Variants in SLC36A4 observed in about 807,000 individuals in gnomAD.
The protein encoded by SLC36A4 is neutral amino acid uniporter 4.
Under a neutral mutation model 50.5 loss-of-function variants are expected in SLC36A4, and 49 were observed. That is an observed-to-expected ratio of 0.97 (90% CI 0.77 to 1.23). The LOEUF (loss-of-function observed/expected upper bound fraction) is 1.23. Ranked by LOEUF, SLC36A4 falls within the 50% of genes most tolerant of loss-of-function variation. SLC36A4 has a pLI of 0.00. For missense variants in SLC36A4, 611 were observed against 608.4 expected, an observed-to-expected ratio of 1.00 and a Z score of -0.05; for synonymous variants, 207 against 206.5, an observed-to-expected ratio of 1.00 and a Z score of -0.02.
intron 1 of SLC36A4, among the ~76,000 whole-genome samples, chr11:93,191,656 G>T (rs1490954141): frequency 6.6e-6 from 1 of 152,168 alleles, no homozygotes; most frequent in African/African-American, 2.4e-5. Context: ...ACATATATAT[G>T]AAAGTGGTTA....
At chr11:93,150,012 C>G (rs544617591) in intron 10 of SLC36A4, among the ~76,000 whole-genome samples, 1 of 152,160 alleles carries the variant, frequency 6.6e-6, no homozygotes, top group Non-Finnish European at 1.5e-5. Context: ...GATTTCCAAA[C>G]TGTTGATGAG....
chr11:93,165,183 T>C (rs2134654309), intron 8 of SLC36A4, among the ~76,000 whole-genome samples: 1 of 152,256 alleles, frequency 6.6e-6, no homozygotes, highest in South Asian at 2.1e-4. Flanking sequence ...TTAGTATAAA[T>C]AGATGTTTAC....
intron 1 of SLC36A4, 74 bp downstream of exon 1, chr11:93,197,704 T>A: frequency 6.7e-7 from 1 of 1,485,110 alleles, no homozygotes; most frequent in Middle Eastern, 1.8e-4. Context: ...CCCCTGGAGG[T>A]GTGGGCGCAC....
chr11:93,161,512 T>C (rs1481026399), intron 9 of SLC36A4, among the ~76,000 whole-genome samples: 3 of 152,190 alleles, frequency 2.0e-5, no homozygotes, highest in Admixed American at 2.0e-4. Context: ...CTAGGTCCAT[T>C]TGCTCTGTCA....
At chr11:93,190,996 T>C (rs961005563) in intron 1 of SLC36A4, among the ~76,000 whole-genome samples, 2 of 152,220 alleles carry the variant, frequency 1.3e-5, no homozygotes, top group Non-Finnish European at 2.9e-5. Flanking sequence ...ACTTGAATGA[T>C]ATAAAACAGC....
chr11:93,178,653 C>T (rs572415153), intron 6 of SLC36A4, among the ~76,000 whole-genome samples: 1 of 152,196 alleles, frequency 6.6e-6, no homozygotes, highest in East Asian at 1.9e-4. Flanking sequence ...ATCTTGTATC[C>T]AGAAACTTTG....
chr11:93,147,501 C>T lies in SLC36A4; in HGVS notation c.*1036G>A, dbSNP rs1022557734. The T allele has an allele frequency of 6.6e-6, 1 of 152,078 alleles. No homozygotes were observed. Among genetic ancestry groups the T allele is most frequent in the Non-Finnish European group, 1.5e-5 (1 of 67,982 alleles). The allele number at this position is 152,078 out of a possible 1,614,324, so 9.4% of individuals were successfully genotyped here. A position where few individuals can be genotyped will look rare whatever the true frequency, so the allele number is the denominator to read the frequency against. ...CACATCTTACTAGCCAGGAGTTTCA[C>T]CAGCAAGCGGTCTCTATTCTGTTTT... On this transcript the variant is annotated 3_prime_UTR_variant, in exon 11 of 11. Transcript: ENST00000326402.
Position 93,145,861 on chromosome 11 carries a change from T to G in SLC36A4, c.*2676A>C, listed in dbSNP as rs1859836131. ...CAAAATCTTTAGGAAATTTTACGAC[T>G]TATTAAAGCTAAATTTTCAGAGAAA... On this transcript the variant is annotated 3_prime_UTR_variant, in exon 11 of 11. Coordinates refer to ENST00000326402, the MANE Select transcript of SLC36A4 (RefSeq NM_152313.4). 6.6e-6 allele frequency: 1 copy of G among 152,112 alleles called. No individual in the cohort carries two copies. Among genetic ancestry groups the G allele is most frequent in the Non-Finnish European group, 1.5e-5 (1 of 68,000 alleles). The allele number at this position is 152,112 out of a possible 1,614,324, so 9.4% of individuals were successfully genotyped here.
At chr11:93,153,209 C>T (rs573000820) in intron 10 of SLC36A4, among the ~76,000 whole-genome samples, 3 of 152,004 alleles carry the variant, frequency 2.0e-5, no homozygotes, top group Non-Finnish European at 2.9e-5. Flanking sequence ...TAATATCTTA[C>T]ACAAGGAATT....
At chr11:93,188,254 G>A (rs2134706019) in intron 1 of SLC36A4, among the ~76,000 whole-genome samples, 1 of 152,332 alleles carries the variant, frequency 6.6e-6, no homozygotes, top group African/African-American at 2.4e-5. Flanking sequence ...AGGATGTGTT[G>A]AGAGATCAGG....
At chr11:93,194,164 T>C (rs1043009278) in intron 1 of SLC36A4, among the ~76,000 whole-genome samples, 2 of 152,098 alleles carry the variant, frequency 1.3e-5, no homozygotes, top group South Asian at 2.1e-4. Flanking sequence ...TACCAGAATA[T>C]AGACGGACAA....
chr11:93,167,728 T>A (rs1860942123), intron 7 of SLC36A4, among the ~76,000 whole-genome samples: 1 of 152,102 alleles, frequency 6.6e-6, no homozygotes, highest in South Asian at 2.1e-4. Context: ...TTTACCAAGA[T>A]TCAAGATCTG....
chr11:93,165,336 T>C (rs1860811208), intron 8 of SLC36A4, among the ~76,000 whole-genome samples: 1 of 152,150 alleles, frequency 6.6e-6, no homozygotes, highest in African/African-American at 2.4e-5. Context: ...CAATATTTAA[T>C]ATCTTAGAAT....
At chr11:93,174,046 C>T (rs916542153) in intron 6 of SLC36A4, among the ~76,000 whole-genome samples, 1 of 150,740 alleles carries the variant, frequency 6.6e-6, no homozygotes, top group Non-Finnish European at 1.5e-5. Flanking sequence ...GCAGTATAGC[C>T]ATTTTCATGA....
At chr11:93,166,468 G>C in intron 7 of SLC36A4, 1 of 944,128 alleles carries the variant, frequency 1.1e-6, no homozygotes, top group Non-Finnish European at 1.3e-6. Flanking sequence ...CCTGACACTG[G>C]CTTTCTACCT....
intron 1 of SLC36A4, among the ~76,000 whole-genome samples, chr11:93,187,363 G>T (rs970281737): frequency 2.0e-5 from 3 of 152,086 alleles, no homozygotes; most frequent in Admixed American, 1.3e-4. Context: ...GTTGATTTAG[G>T]TTTTTTCTTA....
At chr11:93,193,480 A>G (rs1441676786) in intron 1 of SLC36A4, among the ~76,000 whole-genome samples, 1 of 152,180 alleles carries the variant, frequency 6.6e-6, no homozygotes, top group African/African-American at 2.4e-5. Context: ...CTTATAAACT[A>G]AAACACTATT....
At chr11:93,191,722 T>A (rs957567128) in intron 1 of SLC36A4, among the ~76,000 whole-genome samples, 1 of 152,206 alleles carries the variant, frequency 6.6e-6, no homozygotes, top group African/African-American at 2.4e-5. Context: ...TTTAGTTTGC[T>A]AGTGAAAAGG....
chr11:93,176,454 A>C (rs1485344773), intron 6 of SLC36A4, among the ~76,000 whole-genome samples: 1 of 151,896 alleles, frequency 6.6e-6, no homozygotes, highest in African/African-American at 2.4e-5. Flanking sequence ...TTACATTTAA[A>C]GTTAATATTG....
Sources: gnomAD v4.1 joint callset for allele counts (sites outside exome capture counted in the v4.1 genomes callset) on GRCh38, gnomAD v4.1.1 for gene constraint, MANE v1.5 for transcripts, NCBI Gene and HGNC (gene_info 2026-07-23, HGNC 2026-07-21) for gene names.